The following GNPDA2 variants were observed in gnomAD, a reference collection of about 807,000 sequenced individuals.
The protein encoded by GNPDA2 is glcN6P deaminase 2.
A neutral mutation model predicts 27.0 loss-of-function variants in GNPDA2; 24 were observed. The ratio of observed to expected loss-of-function variants is 0.89; its 90% confidence interval spans 0.64 to 1.25. The LOEUF (loss-of-function observed/expected upper bound fraction) is 1.25. GNPDA2 is among the 50% of genes most tolerant of loss of function. The probability of loss-of-function intolerance (pLI) is 0.00; values close to 1 mark genes in which losing one functional copy is unlikely to be tolerated. For synonymous variants in GNPDA2, 94 were observed against 108.4 expected (o/e 0.87, Z 0.83); for missense variants, 286 against 335.1 (o/e 0.85, Z 1.14).
chr4:44,711,366 T>C (rs1048537114), intron 4 of GNPDA2, among the ~76,000 whole-genome samples: 3 of 152,180 alleles, frequency 2.0e-5, no homozygotes, highest in African/African-American at 7.2e-5. Context: ...TATCACCTTA[T>C]ATTAATATAA....
At chr4:44,717,994 A>G (rs111463395) in intron 3 of GNPDA2, among the ~76,000 whole-genome samples, 1 of 151,902 alleles carries the variant, frequency 6.6e-6, no homozygotes, top group African/African-American at 2.4e-5. Flanking sequence ...GCCTTAAGAA[A>G]AAAAGAGAAT....
At position 44,722,251 on chromosome 4, in the gene GNPDA2, A is replaced by T; in HGVS notation, c.-35-9T>A. ...CCAGAACAAGTTCAAACCTGAGAAA[A>T]GTCCATTGTAGAACACTTTACATAA... On this transcript the variant is annotated splice_polypyrimidine_tract_variant and intron_variant, in intron 1 of 6. Coordinates refer to ENST00000295448, the MANE Select transcript of GNPDA2 (RefSeq NM_138335.3). 1 of 1,599,674 alleles carries T rather than the reference A, an allele frequency of 6.3e-7. No individual in the cohort carries two copies. Among genetic ancestry groups the T allele is most frequent in the Non-Finnish European group, 8.5e-7 (1 of 1,172,832 alleles).
At chr4:44,724,475 G>A (rs539210036) in intron 1 of GNPDA2, among the ~76,000 whole-genome samples, 1 of 152,254 alleles carries the variant, frequency 6.6e-6, no homozygotes, top group Admixed American at 6.5e-5. Context: ...TACAGAAGTT[G>A]AACTGACATT....
intron 5 of GNPDA2, among the ~76,000 whole-genome samples, chr4:44,710,304 C>T (rs1040000597): frequency 2.6e-5 from 4 of 152,056 alleles, no homozygotes; most frequent in South Asian, 2.1e-4. Context: ...TCCAATCTGG[C>T]TACCAGAAAG....
intron 1 of GNPDA2, among the ~76,000 whole-genome samples, chr4:44,724,095 G>T (rs1324350530): frequency 2.6e-5 from 4 of 152,120 alleles, no homozygotes; most frequent in African/African-American, 9.7e-5. Context: ...GGGGAGATGG[G>T]TTTTTTCCTT....
rs981735630 is a variant in GNPDA2 at position 44,704,242 on chromosome 4, T to G, written c.770-1100A>C. ...TCCTGCAACTGCTCAACAGCCTACTTGAAGGTCACCTGAAACTTCATGTCC... is the reference window on the plus strand; with the variant it reads ...TCCTGCAACTGCTCAACAGCCTACTGGAAGGTCACCTGAAACTTCATGTCC... On this transcript the variant is annotated intron_variant, in intron 6 of 6. Transcript: ENST00000295448. 5 of 984,614 alleles carry G rather than the reference T, an allele frequency of 5.1e-6. No individual in the cohort carries two copies. In the African/African-American group the frequency reaches 8.7e-5, roughly 17 times the overall value. The allele number at this position is 984,614 out of a possible 1,614,324, so 61.0% of individuals were successfully genotyped here.
chr4:44,709,799 C>CAA (rs1716855176), intron 5 of GNPDA2, among the ~76,000 whole-genome samples: 27 of 82,104 alleles, frequency 3.3e-4, no homozygotes, highest in African/African-American at 8.7e-4. Context: ...CTTGTCACTT[C>CAA]CAAAAAAAAA....
chr4:44,719,922 A>C (rs1361453542), intron 2 of GNPDA2, among the ~76,000 whole-genome samples: 5 of 152,168 alleles, frequency 3.3e-5, no homozygotes, highest in African/African-American at 7.2e-5. Context: ...TTAAGAACTC[A>C]CAATATAGGG....
chr4:44,710,293 G>A (rs1392208055), intron 5 of GNPDA2, among the ~76,000 whole-genome samples: 1 of 152,020 alleles, frequency 6.6e-6, no homozygotes, highest in African/African-American at 2.4e-5. Flanking sequence ...CTCTGAACCT[G>A]TCCAATCTGG....
Position 44,705,499 on chromosome 4 carries a change from A to C in GNPDA2, c.769+2253T>G, listed in dbSNP as rs1027408060. The stretch of plus-strand genomic sequence containing the variant: ...TATCCTCTCACGAATGGTCTGTTTC[A>C]AAATTTTTCAGAAGAGCTTACAATT... On this transcript the variant is annotated intron_variant, in intron 6 of 6. Transcript: ENST00000295448. 28 of 984,784 alleles carry C rather than the reference A, an allele frequency of 2.8e-5. No homozygotes were observed. In the Admixed American group the frequency reaches 1.4e-3, roughly 48 times the overall value. 61.0% of individuals were successfully genotyped at this position (984,784 alleles called of 1,614,324 possible). A position where few individuals can be genotyped will look rare whatever the true frequency, so the allele number is the denominator to read the frequency against.
At chr4:44,706,226 T>A (rs1716594890) in intron 6 of GNPDA2, 3 of 151,826 alleles carry the variant, frequency 2.0e-5, no homozygotes, top group Non-Finnish European at 4.4e-5. Context: ...ATTTTTCAGT[T>A]TTTCAGTTTT....
chr4:44,719,128 C>G (rs965054265), intron 2 of GNPDA2, among the ~76,000 whole-genome samples: 1 of 151,944 alleles, frequency 6.6e-6, no homozygotes, highest in African/African-American at 2.4e-5. Flanking sequence ...TATTTAGCCA[C>G]TCGAGGATGG....
At chr4:44,726,010 C>G (rs977637293) in intron 1 of GNPDA2, among the ~76,000 whole-genome samples, 1 of 152,152 alleles carries the variant, frequency 6.6e-6, no homozygotes, top group Non-Finnish European at 1.5e-5. Flanking sequence ...CTGACCTGTC[C>G]TGAAAGCGTA....
chr4:44,722,558 C>T (rs1267227907), intron 1 of GNPDA2, among the ~76,000 whole-genome samples: 2 of 152,118 alleles, frequency 1.3e-5, no homozygotes, highest in Non-Finnish European at 2.9e-5. Flanking sequence ...AAGATGTTTG[C>T]ATCTGTATTA....
chr4:44,703,772 A>G, intron 6 of GNPDA2: 1 of 985,184 alleles, frequency 1.0e-6, no homozygotes, highest in Non-Finnish European at 1.2e-6. Context: ...ATATACTTGC[A>G]GACTGCTCTT....
At position 44,703,021 on chromosome 4, in the gene GNPDA2, C is replaced by A; in HGVS notation, c.*60G>T. On this transcript the variant is annotated 3_prime_UTR_variant, in exon 7 of 7. Coordinates refer to ENST00000295448, the MANE Select transcript of GNPDA2 (RefSeq NM_138335.3). ...TTGTCATATTGCATAGCTGAAAATTCATCTACTACTTAGTAAAAAGTGCTC... is the reference window on the plus strand; with the variant it reads ...TTGTCATATTGCATAGCTGAAAATTAATCTACTACTTAGTAAAAAGTGCTC... 1 of 1,594,672 alleles carries A rather than the reference C, an allele frequency of 6.3e-7. No individual in the cohort carries two copies. Among genetic ancestry groups the A allele is most frequent in the South Asian group, 1.2e-5 (1 of 86,292 alleles).
In GNPDA2 at chr4:44,704,017, GGAGA is replaced by G. The variant is rs1716435712; in HGVS notation, c.770-879_770-876del. 17 of 985,152 alleles carry G rather than the reference GGAGA, an allele frequency of 1.7e-5. No individual in the cohort carries two copies. The South Asian group carries it at 7.5e-4, about 44-fold the overall frequency. The allele number at this position is 985,152 out of a possible 1,614,324, so 61.0% of individuals were successfully genotyped here. A position where few individuals can be genotyped will look rare whatever the true frequency, so the allele number is the denominator to read the frequency against. ...TTGCAGGAAATGGGATTACTGGATT[GGAGA>G]GATAGGTTGCTTGTTAGTAAACAGA... On this transcript the variant is annotated intron_variant, in intron 6 of 6. Coordinates refer to ENST00000295448, the MANE Select transcript of GNPDA2 (RefSeq NM_138335.3).
intron 4 of GNPDA2, among the ~76,000 whole-genome samples, chr4:44,712,247 TA>T (rs758286553): frequency 1.1e-4 from 17 of 152,272 alleles, no homozygotes; most frequent in Non-Finnish European, 2.1e-4. Flanking sequence ...CTTGAGTCAT[TA>T]AAATATCTTT....
At chr4:44,711,597 T>C (rs529949629) in intron 4 of GNPDA2, among the ~76,000 whole-genome samples, 1 of 152,254 alleles carries the variant, frequency 6.6e-6, no homozygotes, top group South Asian at 2.1e-4. Flanking sequence ...ATCTGTCTTC[T>C]GACTCCTAAC....
Sources: allele counts gnomAD v4.1 joint callset (sites outside exome capture counted in the v4.1 genomes callset), GRCh38; gene constraint gnomAD v4.1.1; transcripts MANE v1.5; gene names NCBI Gene and HGNC (gene_info 2026-07-23, HGNC 2026-07-21).